Variants in ROBO2 observed in about 807,000 individuals in gnomAD.
ROBO2 encodes roundabout guidance receptor 2.
Under a neutral mutation model 160.8 loss-of-function variants are expected in ROBO2, and 53 were observed. The ratio of observed to expected loss-of-function variants is 0.33; its 90% CI spans 0.26 to 0.41. The LOEUF (loss-of-function observed/expected upper bound fraction) is 0.41. Among genes scored for constraint, ROBO2 ranks in the 10% least tolerant of loss-of-function variants. The pLI is 1.00. For missense variants in ROBO2, 1,577 were observed against 1,722.4 expected (o/e 0.92, Z 1.49); for synonymous variants, 664 against 611.7 (o/e 1.09, Z -1.26).
intron 2 of ROBO2, among the ~76,000 whole-genome samples, chr3:77,344,409 A>C (rs2067401568): frequency 6.6e-6 from 1 of 152,162 alleles, no homozygotes; most frequent in Non-Finnish European, 1.5e-5. Context: ...TAGGAGGTAG[A>C]GCCTTTGGCA....
chr3:76,132,396 G>GC (rs368493115), intron 2 of ROBO2, among the ~76,000 whole-genome samples: 2 of 91,796 alleles, frequency 2.2e-5, no homozygotes, highest in South Asian at 8.3e-4. Flanking sequence ...CAGACTGTTG[G>GC]GGGGGGGGGG....
At chr3:77,614,864 C>G (rs547788870) in intron 21 of ROBO2, among the ~76,000 whole-genome samples, 2 of 152,192 alleles carry the variant, frequency 1.3e-5, no homozygotes, top group Admixed American at 6.5e-5. Flanking sequence ...CTATCCCTAA[C>G]TCTCTTGCCT....
intron 2 of ROBO2, among the ~76,000 whole-genome samples, chr3:76,088,667 T>C (rs1381470107): frequency 1.3e-5 from 2 of 152,030 alleles, no homozygotes; most frequent in African/African-American, 2.4e-5. Flanking sequence ...TATTTTGAAC[T>C]GAATTTAAAA....
At chr3:77,481,105 G>C in exon 4 of ROBO2, 1 of 1,611,872 alleles carries the variant, frequency 6.2e-7, no homozygotes, top group Non-Finnish European at 8.5e-7. Flanking sequence ...ACAGATCCGT[G>C]GTGGAAAACT....
At chr3:76,701,033 G>C (rs556763129) in intron 2 of ROBO2, among the ~76,000 whole-genome samples, 1 of 152,118 alleles carries the variant, frequency 6.6e-6, no homozygotes, top group Non-Finnish European at 1.5e-5. Context: ...CCATAAGAAA[G>C]ATACCTAGTG....
At chr3:77,351,733 G>C (rs897043115) in intron 2 of ROBO2, among the ~76,000 whole-genome samples, 4 of 152,148 alleles carry the variant, frequency 2.6e-5, no homozygotes, top group Non-Finnish European at 4.4e-5. Context: ...TAAAGCTGTT[G>C]AGAGTGAATT....
intron 1 of ROBO2, among the ~76,000 whole-genome samples, chr3:77,058,083 T>G (rs575731202): frequency 7.9e-5 from 12 of 152,262 alleles, no homozygotes; most frequent in African/African-American, 2.2e-4. Flanking sequence ...AGGAGAATAC[T>G]CGGATGTTTT....
chr3:76,713,950 G>A (rs2093340179), intron 2 of ROBO2, among the ~76,000 whole-genome samples: 1 of 133,858 alleles, frequency 7.5e-6, no homozygotes, highest in Non-Finnish European at 1.7e-5. Flanking sequence ...TTAGAACTGT[G>A]CATTTTAAAA....
chr3:77,083,088 C>A (rs555591709), intron 1 of ROBO2, among the ~76,000 whole-genome samples: 2 of 152,022 alleles, frequency 1.3e-5, no homozygotes, highest in Non-Finnish European at 2.9e-5. Flanking sequence ...TCATTTCTCC[C>A]CCTGCAGTCA....
chr3:77,083,453 G>A (rs990598867), intron 1 of ROBO2, among the ~76,000 whole-genome samples: 1 of 152,146 alleles, frequency 6.6e-6, no homozygotes, highest in Non-Finnish European at 1.5e-5. Flanking sequence ...AACCTACTTT[G>A]TGTTTGTTTA....
At chr3:76,562,216 A>G (rs1321354760) in intron 2 of ROBO2, among the ~76,000 whole-genome samples, 1 of 151,746 alleles carries the variant, frequency 6.6e-6, no homozygotes, top group Non-Finnish European at 1.5e-5. Flanking sequence ...TAGTTTCTCC[A>G]TCTATAAAAT....
chr3:76,984,197 T>G (rs1039940770), intron 2 of ROBO2, among the ~76,000 whole-genome samples: 1 of 152,028 alleles, frequency 6.6e-6, no homozygotes, highest in African/African-American at 2.4e-5. Context: ...ATTATGAGAT[T>G]TTGGGTGGGG....
chr3:77,584,185 C>T (rs1435548482), intron 16 of ROBO2, among the ~76,000 whole-genome samples: 1 of 152,050 alleles, frequency 6.6e-6, no homozygotes, highest in Non-Finnish European at 1.5e-5. Flanking sequence ...TCACTCTGGC[C>T]TCCCTGAACT....
chr3:76,318,437 C>T (rs1390373168), intron 2 of ROBO2, among the ~76,000 whole-genome samples: 1 of 152,218 alleles, frequency 6.6e-6, no homozygotes, highest in East Asian at 1.9e-4. Context: ...CCTCTCCTCC[C>T]GTTTCCAAAT....
chr3:76,594,841 A>T (rs2086640606), intron 2 of ROBO2, among the ~76,000 whole-genome samples: 1 of 152,086 alleles, frequency 6.6e-6, no homozygotes, highest in Non-Finnish European at 1.5e-5. Flanking sequence ...ATTACAGCTA[A>T]AAAGTGACCA....
At chr3:76,986,423 A>G (rs976156750) in intron 2 of ROBO2, among the ~76,000 whole-genome samples, 1 of 152,078 alleles carries the variant, frequency 6.6e-6, no homozygotes, top group Non-Finnish European at 1.5e-5. Context: ...CCAAAAATAT[A>G]TATATTTTTA....
In ROBO2 at chr3:76,834,161, C is replaced by T. The variant is rs1053352625; in HGVS notation, c.110-263853C>T. On this transcript the variant is annotated intron_variant, in intron 2 of 26. Transcript: ENST00000487694. Reference sequence around the variant, plus strand: ...TTCCTTCCTTCCTTTCTTTCTCTCTCTTTCTTTCTTTCTCTCTCTCTCTCT... The same window carrying T: ...TTCCTTCCTTCCTTTCTTTCTCTCTTTTTCTTTCTTTCTCTCTCTCTCTCT... Among the ~76,000 whole-genome samples, 2 of 127,228 alleles carry T rather than the reference C, an allele frequency of 1.6e-5. 1 individual carries two copies. Among genetic ancestry groups the T allele is most frequent in the African/African-American group, 6.2e-5 (2 of 32,122 alleles). 83.5% of individuals were successfully genotyped at this position (127,228 alleles called of 152,430 possible).
chr3:76,428,571 G>C (rs2076311327), intron 2 of ROBO2, among the ~76,000 whole-genome samples: 1 of 151,952 alleles, frequency 6.6e-6, no homozygotes, highest in Non-Finnish European at 1.5e-5. Flanking sequence ...TTAAGGAGTT[G>C]GTTTTTGCTT....
At chr3:77,014,260 C>G (rs1301642548) in intron 2 of ROBO2, among the ~76,000 whole-genome samples, 7 of 152,092 alleles carry the variant, frequency 4.6e-5, no homozygotes, top group Non-Finnish European at 8.8e-5. Context: ...ATTCTACATT[C>G]CCACACTACG....
Sources: gnomAD v4.1 joint callset for allele counts (sites outside exome capture counted in the v4.1 genomes callset) on GRCh38, gnomAD v4.1.1 for gene constraint, MANE v1.5 for transcripts, NCBI Gene and HGNC (gene_info 2026-07-23, HGNC 2026-07-21) for gene names.